The following ANKRD26 variants were observed in gnomAD, a reference collection of about 807,000 sequenced individuals.
ANKRD26 encodes the protein ankyrin repeat domain 26, also known as ankyrin repeat domain-containing protein 26.
ANKRD26 carries 141 observed loss-of-function variants against 208.7 expected under a neutral mutation model. The observed-to-expected ratio is 0.68, with a 90% CI of 0.59 to 0.78. The LOEUF (loss-of-function observed/expected upper bound fraction) is 0.78, where lower values mean the gene tolerates loss of function less well. Among genes scored for constraint, ANKRD26 ranks in the 30% least tolerant of loss-of-function variants. The pLI is 0.00. For missense variants in ANKRD26, 1,889 were observed against 1,938.7 expected, an observed-to-expected ratio of 0.97 and a Z score of 0.48; for synonymous variants, 636 against 660.4, an observed-to-expected ratio of 0.96 and a Z score of 0.57.
At chr10:26,964,015 G>T in the ANKRD26 span, among the ~76,000 whole-genome samples, 1 of 144,970 alleles carries the variant, frequency 6.9e-6, no homozygotes, top group Non-Finnish European at 1.5e-5. Flanking sequence ...AGGCTCAAGA[G>T]ATTCTCTTGC....
downstream of ANKRD26, among the ~76,000 whole-genome samples, chr10:26,969,937 C>A (rs1466038833): frequency 2.0e-5 from 3 of 151,540 alleles, no homozygotes; most frequent in South Asian, 2.1e-4. Context: ...CAGGTTCAAG[C>A]GATCTTCCTG....
chr10:26,988,103 T>C (rs934032290), downstream of ANKRD26, among the ~76,000 whole-genome samples: 1 of 152,172 alleles, frequency 6.6e-6, no homozygotes, highest in Non-Finnish European at 1.5e-5. Context: ...GGAGTAAACA[T>C]GATGGGATCA....
At chr10:27,060,185 A>G (rs765094693) in intron 15 of ANKRD26, among the ~76,000 whole-genome samples, 160 bp downstream of exon 15, 1 of 152,232 alleles carries the variant, frequency 6.6e-6, no homozygotes, top group Non-Finnish European at 1.5e-5. Context: ...TCTGGGTGAC[A>G]GAGCAAGACT....
chr10:26,995,264 T>G (rs186406699), intron 4 of ANKRD26: 3 of 449,064 alleles, frequency 6.7e-6, no homozygotes, highest in African/African-American at 2.0e-5. Flanking sequence ...GATGAGAGTT[T>G]AGAAGGGTCT....
At chr10:27,089,051 A>C (rs2056212216) in intron 4 of ANKRD26, among the ~76,000 whole-genome samples, 1 of 152,200 alleles carries the variant, frequency 6.6e-6, no homozygotes, top group Non-Finnish European at 1.5e-5. Flanking sequence ...ACTGAAAAAA[A>C]GTCCTAACTT....
Position 27,092,643 on chromosome 10 carries a change from T to C in ANKRD26, c.532-131A>G, listed in dbSNP as rs1451637674. ...ACAAATAAAAAACACTTGCTTCCCTTGGAAACACCCCTCCTCTGCCTCACC... is the reference window on the plus strand; with the variant it reads ...ACAAATAAAAAACACTTGCTTCCCTCGGAAACACCCCTCCTCTGCCTCACC... On this transcript the variant is annotated intron_variant, in intron 3 of 33. Transcript: ENST00000376087. 2.5e-5 allele frequency: 18 copies of C among 727,128 alleles called. No homozygotes were observed. In the East Asian group the frequency reaches 3.0e-4, roughly 12 times the overall value. The allele number at this position is 727,128 out of a possible 1,614,324, so 45.0% of individuals were successfully genotyped here. A position where few individuals can be genotyped will look rare whatever the true frequency, so the allele number is the denominator to read the frequency against.
chr10:26,994,948 G>A, intron 5 of ANKRD26: 1 of 412,324 alleles, frequency 2.4e-6, no homozygotes, highest in Non-Finnish European at 5.0e-6. Flanking sequence ...TTGGGGAAGA[G>A]GACTGGCTTC....
intron 15 of ANKRD26, among the ~76,000 whole-genome samples, chr10:27,060,135 G>A (rs1263661147): frequency 1.3e-5 from 2 of 152,022 alleles, no homozygotes; most frequent in East Asian, 1.9e-4. Flanking sequence ...CCTGGGAGGC[G>A]GAGGTTGCAG....
At chr10:27,097,838 C>T (rs745610988) in intron 1 of ANKRD26, among the ~76,000 whole-genome samples, 5 of 152,016 alleles carry the variant, frequency 3.3e-5, no homozygotes, top group Non-Finnish European at 7.4e-5. Context: ...ATTTTTACTA[C>T]AGAAGGGTTT....
chr10:26,956,514 C>T, the ANKRD26 span, among the ~76,000 whole-genome samples: 9 of 152,062 alleles, frequency 5.9e-5, no homozygotes, highest in African/African-American at 2.2e-4. Context: ...CTTCTGTAAT[C>T]GTAGCACTTT....
the ANKRD26 span, among the ~76,000 whole-genome samples, chr10:26,959,698 T>C: frequency 6.6e-6 from 1 of 151,364 alleles, no homozygotes; most frequent in Non-Finnish European, 1.5e-5. Context: ...CAGGCTAGTC[T>C]CGAACTCCTG....
chr10:27,087,383 C>A (rs1295108073), intron 4 of ANKRD26, among the ~76,000 whole-genome samples: 1 of 152,126 alleles, frequency 6.6e-6, no homozygotes, highest in Non-Finnish European at 1.5e-5. Context: ...ATAATTTGTT[C>A]CTGAATTTTA....
chr10:26,959,136 A>G, the ANKRD26 span, among the ~76,000 whole-genome samples: 66,101 of 151,838 alleles, frequency 0.44, 16,689 homozygotes, highest in Non-Finnish European at 0.54. Context: ...AAAATTAGCC[A>G]GGTGTGGTGG....
At position 27,040,052 on chromosome 10, in the gene ANKRD26, A is replaced by C; in HGVS notation, c.2288T>G (p.Leu763Arg). 6.2e-7 allele frequency: 1 copy of C among 1,613,652 alleles called. No individual in the cohort carries two copies. The highest frequency in any genetic ancestry group is 8.5e-7 in the Non-Finnish European group (1 of 1,179,844). Residue 763 changes from leucine (L) to arginine (R), a missense_variant, in exon 21 of 34, where the codon CTA becomes CGA. Coordinates refer to ENST00000376087, the MANE Select transcript of ANKRD26 (RefSeq NM_014915.3). ...TTTTGTTTCAGATAGCTCCCTTTGTAGTACATTAACCTTGTCTTCCATTTT... is the reference window on the plus strand; with the variant it reads ...TTTTGTTTCAGATAGCTCCCTTTGTCGTACATTAACCTTGTCTTCCATTTT... ...IKKMEDKVNV[L>R]QRELSETKEI...
intron 27 of ANKRD26, among the ~76,000 whole-genome samples, chr10:27,025,360 A>G (rs2053626535): frequency 6.6e-6 from 1 of 152,156 alleles, no homozygotes; most frequent in African/African-American, 2.4e-5. Flanking sequence ...TTTTAGAGAC[A>G]GAGTTTTGCT....
At chr10:27,085,330 A>C (rs1264552185) in intron 5 of ANKRD26, among the ~76,000 whole-genome samples, 1 of 151,986 alleles carries the variant, frequency 6.6e-6, no homozygotes. Context: ...CGAACTCCTG[A>C]CCTCATAATC....
chr10:27,072,188 C>T (rs1381280321), intron 9 of ANKRD26, among the ~76,000 whole-genome samples: 4 of 152,152 alleles, frequency 2.6e-5, no homozygotes, highest in Admixed American at 2.0e-4. Context: ...TGGCCTGGGA[C>T]AATTTTGAGT....
the ANKRD26 span, among the ~76,000 whole-genome samples, chr10:26,963,824 T>TA: frequency 6.6e-6 from 1 of 151,932 alleles, no homozygotes; most frequent in Admixed American, 6.6e-5. Flanking sequence ...TACCTTGTAG[T>TA]TTAACAGTTG....
At chr10:26,979,651 T>C (rs2052278573) in intron 5 of ANKRD26, among the ~76,000 whole-genome samples, 1 of 152,206 alleles carries the variant, frequency 6.6e-6, no homozygotes, top group Admixed American at 6.5e-5. Flanking sequence ...GCTCACGTTA[T>C]GATTATATTA....
Sources: gnomAD v4.1 joint callset for allele counts (sites outside exome capture counted in the v4.1 genomes callset) on GRCh38, gnomAD v4.1.1 for gene constraint, MANE v1.5 for transcripts, NCBI Gene and HGNC (gene_info 2026-07-23, HGNC 2026-07-21) for gene names.